GTF2B: variants seen among roughly 807,000 people sequenced by gnomAD.
GTF2B encodes the protein general transcription factor IIB.
A neutral mutation model predicts 34.6 loss-of-function variants in GTF2B; 20 were observed. The ratio of observed to expected loss-of-function variants is 0.58; its 90% CI spans 0.41 to 0.84. The LOEUF (loss-of-function observed/expected upper bound fraction) is 0.84, where lower values mean the gene tolerates loss of function less well. Ranked by LOEUF, GTF2B falls within the 40% of genes least tolerant of loss-of-function variation. The probability of loss-of-function intolerance (pLI) is 0.00; values close to 1 mark genes in which losing one functional copy is unlikely to be tolerated. For synonymous variants in GTF2B, 142 were observed against 132.4 expected (o/e 1.07, Z -0.50); for missense variants, 237 against 393.3 (o/e 0.60, Z 3.36).
In GTF2B at chr1:88,891,546, G is replaced by T. The variant is rs368877819; in HGVS notation, c.-47C>A. Reference sequence around the variant, plus strand: ...CGCAACAAGACACAACAGACACACCGAAAGCAGGAAGCGAATGTGGCGAAG... The same window carrying T: ...CGCAACAAGACACAACAGACACACCTAAAGCAGGAAGCGAATGTGGCGAAG... On this transcript the variant is annotated 5_prime_UTR_variant, in exon 1 of 7. Coordinates refer to ENST00000370500, the MANE Select transcript of GTF2B (RefSeq NM_001514.6). 11 of 1,566,430 alleles carry T rather than the reference G, an allele frequency of 7.0e-6. No individual in the cohort carries two copies. The highest frequency in any genetic ancestry group is 2.7e-5 in the African/African-American group (2 of 73,864).
chr1:88,869,785 TCTGA>T (rs1030851245), intron 2 of GTF2B, among the ~76,000 whole-genome samples: 2 of 149,674 alleles, frequency 1.3e-5, no homozygotes, highest in African/African-American at 4.9e-5. Flanking sequence ...TGCCACCACG[TCTGA>T]CTAATTTTTG....
In GTF2B at chr1:88,887,272, C is replaced by T. The variant is rs1251131658; in HGVS notation, c.113G>A (p.Gly38Asp). Reference sequence around the variant, plus strand: ...TAATAACAACTCACCTACAACCAAGCCACATTCAGGACAGATCATATCACC... The same window carrying T: ...TAATAACAACTCACCTACAACCAAGTCACATTCAGGACAGATCATATCACC... ...RAGDMICPEC[G>D]LVVGDRVIDV... The change falls in exon 2 of 7, where the codon GGC becomes GAC. Residue 38 changes from glycine to aspartate, a missense_variant. Coordinates refer to ENST00000370500, the MANE Select transcript of GTF2B (RefSeq NM_001514.6). 6.2e-7 allele frequency: 1 copy of T among 1,601,108 alleles called. No individual in the cohort carries two copies. Among genetic ancestry groups the T allele is most frequent in the Non-Finnish European group, 8.6e-7 (1 of 1,168,642 alleles).
intron 2 of GTF2B, among the ~76,000 whole-genome samples, chr1:88,883,641 AAC>A (rs1189919319): frequency 1.3e-5 from 2 of 152,118 alleles, no homozygotes; most frequent in South Asian, 2.1e-4. Context: ...CAGCCTGAGA[AAC>A]AGAGTGAGAC....
chr1:88,868,304 A>G (rs986242352), intron 2 of GTF2B, among the ~76,000 whole-genome samples: 11 of 152,220 alleles, frequency 7.2e-5, no homozygotes, highest in African/African-American at 2.2e-4. Flanking sequence ...TTCTAGAAAC[A>G]GAGACACATA....
intron 2 of GTF2B, among the ~76,000 whole-genome samples, chr1:88,868,370 T>C (rs185741674): frequency 5.1e-4 from 77 of 152,330 alleles, no homozygotes; most frequent in Non-Finnish European, 9.1e-4. Context: ...TGAAGATTTA[T>C]AGTATCAAAG....
chr1:88,868,280 C>T (rs1204245138), intron 2 of GTF2B, among the ~76,000 whole-genome samples: 1 of 152,248 alleles, frequency 6.6e-6, no homozygotes, highest in Admixed American at 6.5e-5. Context: ...CAAAACTTCA[C>T]ATATCCTTTA....
intron 2 of GTF2B, among the ~76,000 whole-genome samples, chr1:88,866,948 T>C (rs1400071361): frequency 6.6e-6 from 1 of 152,184 alleles, no homozygotes; most frequent in Non-Finnish European, 1.5e-5. Flanking sequence ...ATGGATGGCA[T>C]TACAAGGATT....
intron 2 of GTF2B, among the ~76,000 whole-genome samples, chr1:88,868,446 C>T (rs923002817): frequency 6.6e-6 from 1 of 152,218 alleles, no homozygotes; most frequent in African/African-American, 2.4e-5. Flanking sequence ...ACCTTTAACA[C>T]TTTTAATCAA....
intron 2 of GTF2B, among the ~76,000 whole-genome samples, chr1:88,877,405 A>G (rs1420104533): frequency 6.6e-6 from 1 of 152,258 alleles, no homozygotes; most frequent in Non-Finnish European, 1.5e-5. Context: ...TCATTGTGAA[A>G]TAATTTATAA....
intron 1 of GTF2B, among the ~76,000 whole-genome samples, chr1:88,888,361 C>G (rs1674123754): frequency 6.6e-6 from 1 of 152,172 alleles, no homozygotes; most frequent in Non-Finnish European, 1.5e-5. Context: ...ATATTCCCCC[C>G]TAAACTTATC....
intron 2 of GTF2B, among the ~76,000 whole-genome samples, chr1:88,874,924 T>C (rs1051425420): frequency 9.6e-5 from 14 of 146,118 alleles, no homozygotes; most frequent in African/African-American, 3.9e-4. Context: ...ATTTTTACAT[T>C]TAAAGTAAAA....
chr1:88,886,814 TG>T (rs67476549), intron 2 of GTF2B, among the ~76,000 whole-genome samples: 69,903 of 151,800 alleles, frequency 0.46, 18,188 homozygotes, highest in South Asian at 0.68. Context: ...GTTTCCTAAT[TG>T]TTTTTTTGCA....
Position 88,884,037 on chromosome 1 carries a change from T to C in GTF2B, c.124+3224A>G, listed in dbSNP as rs1024155132. Among the ~76,000 whole-genome samples, 3 of 149,652 alleles carry C rather than the reference T, an allele frequency of 2.0e-5. No homozygotes were observed. In the East Asian group the frequency reaches 5.9e-4, roughly 29 times the overall value. ...CTCAGCACTGACTTTTTTTTTTTTTTTTTTTTTTGAGACAGAGTCTCACTC... is the reference window on the plus strand; with the variant it reads ...CTCAGCACTGACTTTTTTTTTTTTTCTTTTTTTTGAGACAGAGTCTCACTC... On this transcript the variant is annotated intron_variant, in intron 2 of 6. Coordinates refer to ENST00000370500, the MANE Select transcript of GTF2B (RefSeq NM_001514.6).
rs754325965 is a variant in GTF2B, at chr1:88,885,239, G to C, written c.124+2022C>G. Among the ~76,000 whole-genome samples, 11 of 151,966 alleles carry C rather than the reference G, an allele frequency of 7.2e-5. No homozygotes were observed. The South Asian group carries it at 2.1e-3, about 29-fold the overall frequency. ...GGATCACCTGAGGTCAGGAGTTCAA[G>C]ACCAGCCTGGCCAACATGCTGAAAC... On this transcript the variant is annotated intron_variant, in intron 2 of 6. Coordinates refer to ENST00000370500, the MANE Select transcript of GTF2B (RefSeq NM_001514.6).
At chr1:88,860,066 C>G in intron 4 of GTF2B, 55 bp from the exon 5 acceptor site, 1 of 1,610,362 alleles carries the variant, frequency 6.2e-7, no homozygotes, top group Non-Finnish European at 8.5e-7. Context: ...GCTGCAATAT[C>G]AAAATTTCAT....
chr1:88,870,833 GAGTA>G (rs1277325410), intron 2 of GTF2B, among the ~76,000 whole-genome samples: 1 of 151,468 alleles, frequency 6.6e-6, no homozygotes, highest in Non-Finnish European at 1.5e-5. Context: ...TCTTAAATAG[GAGTA>G]AGTGTTGAGT....
At chr1:88,879,951 C>T (rs1673897374) in intron 2 of GTF2B, among the ~76,000 whole-genome samples, 1 of 151,778 alleles carries the variant, frequency 6.6e-6, no homozygotes, top group Non-Finnish European at 1.5e-5. Flanking sequence ...CCCTGCTACT[C>T]CGGAGGCTGA....
In GTF2B at chr1:88,864,123, A is replaced by AT; in HGVS notation, c.125-10dup. ...ATCAATAACCCGGTCACCTAAGAATATAAGCACATATCTGAATCATTTTGT... is the reference window on the plus strand; with the variant it reads ...ATCAATAACCCGGTCACCTAAGAATATTAAGCACATATCTGAATCATTTTGT... On this transcript the variant is annotated splice_polypyrimidine_tract_variant and intron_variant, in intron 2 of 6. Transcript: ENST00000370500. The AT allele has an allele frequency of 1.2e-6, 2 of 1,613,552 alleles. No individual in the cohort carries two copies. The highest frequency in any genetic ancestry group is 1.7e-6 in the Non-Finnish European group (2 of 1,179,494).
Sources: gnomAD v4.1 joint callset for allele counts (sites outside exome capture counted in the v4.1 genomes callset) on GRCh38, gnomAD v4.1.1 for gene constraint, MANE v1.5 for transcripts, NCBI Gene and HGNC (gene_info 2026-07-23, HGNC 2026-07-21) for gene names.